SGCD: variants seen among roughly 807,000 people sequenced by gnomAD.
The protein encoded by SGCD is sarcoglycan delta, also known as delta-sarcoglycan.
A neutral mutation model predicts 36.6 loss-of-function variants in SGCD; 18 were observed. The observed-to-expected ratio is 0.49, with a 90% CI of 0.34 to 0.73. The LOEUF (loss-of-function observed/expected upper bound fraction) is 0.73. Ranked by LOEUF, SGCD falls within the 30% of genes least tolerant of loss-of-function variation. The pLI, the probability that SGCD is intolerant of heterozygous loss-of-function variation, is 0.01. For missense variants in SGCD, 387 were observed against 346.7 expected, an observed-to-expected ratio of 1.12 and a Z score of -0.92; for synonymous variants, 133 against 130.6, an observed-to-expected ratio of 1.02 and a Z score of -0.12.
intron 3 of SGCD, among the ~76,000 whole-genome samples, chr5:156,265,397 G>A (rs1765972183): frequency 6.6e-6 from 1 of 151,970 alleles, no homozygotes; most frequent in Admixed American, 6.6e-5. Flanking sequence ...CATGTCCTTT[G>A]AAAAGCTAGC....
At chr5:156,717,367 A>G (rs750684558) in intron 7 of SGCD, among the ~76,000 whole-genome samples, 1 of 152,012 alleles carries the variant, frequency 6.6e-6, no homozygotes, top group African/African-American at 2.4e-5. Context: ...TACATCCTAC[A>G]CTGTCATTCT....
At chr5:156,414,772 A>G (rs1156431020) in intron 3 of SGCD, among the ~76,000 whole-genome samples, 1 of 152,226 alleles carries the variant, frequency 6.6e-6, no homozygotes, top group African/African-American at 2.4e-5. Flanking sequence ...AAGGATATGT[A>G]CCAGACTGTT....
the SGCD span, among the ~76,000 whole-genome samples, chr5:155,848,223 G>C: frequency 2.6e-5 from 4 of 152,138 alleles, no homozygotes; most frequent in African/African-American, 9.7e-5. Flanking sequence ...GGCAGTGTAA[G>C]AGGACATTTT....
chr5:156,181,355 A>T (rs1024916816), intron 3 of SGCD, among the ~76,000 whole-genome samples: 12 of 152,228 alleles, frequency 7.9e-5, no homozygotes, highest in Admixed American at 3.9e-4. Context: ...ATGTTCATGG[A>T]CTAAAAAACT....
chr5:156,620,340 C>A (rs1194124950), intron 6 of SGCD, among the ~76,000 whole-genome samples: 1 of 152,180 alleles, frequency 6.6e-6, no homozygotes, highest in Non-Finnish European at 1.5e-5. Context: ...AAGTTCAGTG[C>A]AGAGATGTAA....
At chr5:156,734,513 C>T (rs1756246515) in intron 7 of SGCD, among the ~76,000 whole-genome samples, 1 of 152,116 alleles carries the variant, frequency 6.6e-6, no homozygotes, top group African/African-American at 2.4e-5. Flanking sequence ...TTTTCAGGTA[C>T]AACAATCAGT....
intron 7 of SGCD, among the ~76,000 whole-genome samples, chr5:156,687,876 C>G (rs1366176392): frequency 6.6e-6 from 1 of 152,136 alleles, no homozygotes; most frequent in Non-Finnish European, 1.5e-5. Flanking sequence ...CAGCCTAATT[C>G]CCAGGTATGC....
intron 1 of SGCD, among the ~76,000 whole-genome samples, chr5:155,955,218 C>T (rs1412383557): frequency 1.3e-5 from 2 of 152,118 alleles, no homozygotes; most frequent in Non-Finnish European, 2.9e-5. Context: ...AATGTCTAGG[C>T]ACCATGTGGC....
chr5:155,748,368 C>A, the SGCD span, among the ~76,000 whole-genome samples: 1 of 152,006 alleles, frequency 6.6e-6, no homozygotes, highest in African/African-American at 2.4e-5. Flanking sequence ...TATATAATAT[C>A]CTGATCAATT....
At chr5:156,746,035 A>T (rs1048409961) in intron 7 of SGCD, among the ~76,000 whole-genome samples, 3 of 151,898 alleles carry the variant, frequency 2.0e-5, no homozygotes, top group African/African-American at 7.3e-5. Context: ...AAAAAAAAAA[A>T]TTAAATTAAA....
chr5:156,589,322 A>G lies in SGCD; in HGVS notation c.382+4A>G, dbSNP rs1337732764. Reference sequence around the variant, plus strand: ...GTGCTAACTCAGCTTATAACAGGTAAGAAAAGGGAGAACTTAACAGTGCCT... The same window carrying G: ...GTGCTAACTCAGCTTATAACAGGTAGGAAAAGGGAGAACTTAACAGTGCCT... On this transcript the variant is annotated splice_donor_region_variant and intron_variant, in intron 5 of 8. Coordinates refer to ENST00000337851, the MANE Select transcript of SGCD (RefSeq NM_000337.6). The G allele has an allele frequency of 6.5e-7, 1 of 1,530,356 alleles. No individual in the cohort carries two copies. Among genetic ancestry groups the G allele is most frequent in the East Asian group, 2.3e-5 (1 of 42,614 alleles). The allele number at this position is 1,530,356 out of a possible 1,614,324, so 94.8% of individuals were successfully genotyped here. A position where few individuals can be genotyped will look rare whatever the true frequency, so the allele number is the denominator to read the frequency against.
the SGCD span, among the ~76,000 whole-genome samples, chr5:155,736,463 A>G: frequency 6.6e-6 from 1 of 152,128 alleles, no homozygotes; most frequent in Non-Finnish European, 1.5e-5. Context: ...TATTCCCCTA[A>G]CACCATAACA....
Position 156,365,700 on chromosome 5 carries a change from G to A in SGCD, c.192+21023G>A, listed in dbSNP as rs572887877. Among the ~76,000 whole-genome samples, 31 of 152,118 alleles carry A rather than the reference G, an allele frequency of 2.0e-4. 1 individual carries two copies. Among genetic ancestry groups the A allele is most frequent in the African/African-American group, 6.7e-4 (28 of 41,494 alleles). Reference sequence around the variant, plus strand: ...TATGCCCATAAATATGGGCATATATGTGTGTATGTAGACATATATACAATA... The same window carrying A: ...TATGCCCATAAATATGGGCATATATATGTGTATGTAGACATATATACAATA... On this transcript the variant is annotated intron_variant, in intron 3 of 8. Coordinates refer to ENST00000337851, the MANE Select transcript of SGCD (RefSeq NM_000337.6).
chr5:156,692,693 G>A (rs1754164964), intron 7 of SGCD, among the ~76,000 whole-genome samples: 1 of 152,122 alleles, frequency 6.6e-6, no homozygotes, highest in African/African-American at 2.4e-5. Context: ...TGCCTTGGTT[G>A]TTATAAAATA....
chr5:156,323,033 C>A (rs1767713417), upstream of SGCD, among the ~76,000 whole-genome samples: 2 of 152,170 alleles, frequency 1.3e-5, no homozygotes, highest in South Asian at 4.1e-4. Context: ...TGGCTCTAGT[C>A]AGCTTAAAAG....
intron 4 of SGCD, among the ~76,000 whole-genome samples, chr5:156,565,050 A>C (rs1472599950): frequency 3.3e-5 from 5 of 152,198 alleles, no homozygotes; most frequent in Non-Finnish European, 1.5e-5. Context: ...AGACTTAGCA[A>C]CTGACTTATT....
chr5:155,785,282 T>C, the SGCD span, among the ~76,000 whole-genome samples: 5 of 152,326 alleles, frequency 3.3e-5, no homozygotes, highest in South Asian at 1.0e-3. Context: ...TTTAATTTTA[T>C]TTATTTTTAC....
intron 4 of SGCD, among the ~76,000 whole-genome samples, chr5:156,561,614 G>T (rs890073686): frequency 6.6e-6 from 1 of 152,180 alleles, no homozygotes; most frequent in Non-Finnish European, 1.5e-5. Flanking sequence ...TCTGAAGGTA[G>T]AAATAATCAA....
the SGCD span, among the ~76,000 whole-genome samples, chr5:155,752,120 C>T: frequency 6.6e-6 from 1 of 152,152 alleles, no homozygotes; most frequent in Non-Finnish European, 1.5e-5. Context: ...AATATCTTAG[C>T]CAAAATGACC....
Sources: allele counts gnomAD v4.1 joint callset (sites outside exome capture counted in the v4.1 genomes callset), GRCh38; gene constraint gnomAD v4.1.1; transcripts MANE v1.5; gene names NCBI Gene and HGNC (gene_info 2026-07-23, HGNC 2026-07-21).